The following GRIA2 variants were observed in gnomAD, a reference collection of about 807,000 sequenced individuals.
GRIA2 encodes glutamate receptor 2.
GRIA2 carries 14 observed loss-of-function variants against 97.3 expected under a neutral mutation model. That is an observed-to-expected ratio of 0.14 (90% CI 0.10 to 0.23). The LOEUF is 0.23. Among genes scored for constraint, GRIA2 ranks in the 10% least tolerant of loss-of-function variants. The pLI is 1.00. For synonymous variants in GRIA2, 412 were observed against 387.8 expected, an observed-to-expected ratio of 1.06 and a Z score of -0.73; for missense variants, 558 against 1,069.8, an observed-to-expected ratio of 0.52 and a Z score of 6.67.
At chr4:157,279,276 A>T (rs1025641949) in intron 2 of GRIA2, among the ~76,000 whole-genome samples, 10 of 152,166 alleles carry the variant, frequency 6.6e-5, no homozygotes, top group Non-Finnish European at 1.3e-4. Flanking sequence ...ACTAAAAAGA[A>T]CTATCAAGCC....
intron 2 of GRIA2, among the ~76,000 whole-genome samples, chr4:157,300,171 G>A (rs894754737): frequency 3.9e-5 from 6 of 151,930 alleles, no homozygotes; most frequent in Admixed American, 3.9e-4. Flanking sequence ...CATCATTGGG[G>A]AATAAGGTAA....
intron 2 of GRIA2, among the ~76,000 whole-genome samples, chr4:157,236,244 A>G (rs1179488966): frequency 6.6e-6 from 1 of 152,054 alleles, no homozygotes; most frequent in African/African-American, 2.4e-5. Flanking sequence ...GATGAAAATA[A>G]TCATGCATAT....
Position 157,340,193 on chromosome 4 carries a change from T to C in GRIA2, c.1845-1071T>C, listed in dbSNP as rs565663184. ...ACTGTTAATTGTCAGAAACTTTAGATCACAAATTGCCAATCATGATCTAAA... is the reference window on the plus strand; with the variant it reads ...ACTGTTAATTGTCAGAAACTTTAGACCACAAATTGCCAATCATGATCTAAA... On this transcript the variant is annotated intron_variant, in intron 11 of 15. Coordinates refer to ENST00000264426, the MANE Select transcript of GRIA2 (RefSeq NM_001083619.3). Among the ~76,000 whole-genome samples, 4 of 152,050 alleles carry C rather than the reference T, an allele frequency of 2.6e-5. No individual in the cohort carries two copies. In the East Asian group the frequency reaches 7.8e-4, roughly 30 times the overall value.
chr4:157,350,961 A>G (rs903036244), intron 12 of GRIA2, among the ~76,000 whole-genome samples: 2 of 139,386 alleles, frequency 1.4e-5, no homozygotes, highest in African/African-American at 5.4e-5. Context: ...TCATTGTCCT[A>G]ATCTCATAAC....
chr4:157,318,878 TCA>T (rs2126899449), intron 5 of GRIA2, among the ~76,000 whole-genome samples: 1 of 152,262 alleles, frequency 6.6e-6, no homozygotes, highest in South Asian at 2.1e-4. Flanking sequence ...TCCTAGTGTA[TCA>T]CATTGTTACA....
chr4:157,222,490 C>A (rs1468166729), intron 2 of GRIA2, among the ~76,000 whole-genome samples: 1 of 151,702 alleles, frequency 6.6e-6, no homozygotes. Flanking sequence ...GGCGGGGAGG[C>A]GGTGGAAAGG....
Position 157,363,617 on chromosome 4 carries a change from A to T in GRIA2, c.*186A>T. ...TCTCGTGATTGATAAGAACCTTTTGAGTGCCTTACACAATGGTTTTCTTGT... is the reference window on the plus strand; with the variant it reads ...TCTCGTGATTGATAAGAACCTTTTGTGTGCCTTACACAATGGTTTTCTTGT... On this transcript the variant is annotated 3_prime_UTR_variant, in exon 16 of 16. Coordinates refer to ENST00000264426, the MANE Select transcript of GRIA2 (RefSeq NM_001083619.3). 1 of 1,217,386 alleles carries T rather than the reference A, an allele frequency of 8.2e-7. No individual in the cohort carries two copies. The highest frequency in any genetic ancestry group is 1.0e-6 in the Non-Finnish European group (1 of 972,878). The allele number at this position is 1,217,386 out of a possible 1,614,324, so 75.4% of individuals were successfully genotyped here.
At chr4:157,248,548 T>TGTGTGTATATATATACAC (rs1730839210) in intron 2 of GRIA2, among the ~76,000 whole-genome samples, 1 of 140,542 alleles carries the variant, frequency 7.1e-6, no homozygotes, top group Non-Finnish European at 1.5e-5. Flanking sequence ...TTTATGTGTG[T>TGTGTGTATATATATACAC]GTGTGTATAT....
At chr4:157,329,492 A>ATTAG (rs1734954891) in intron 6 of GRIA2, among the ~76,000 whole-genome samples, 7 of 151,866 alleles carry the variant, frequency 4.6e-5, no homozygotes, top group Admixed American at 4.6e-4. Flanking sequence ...TTGGTCATTA[A>ATTAG]TTTGGGAAAT....
intron 2 of GRIA2, among the ~76,000 whole-genome samples, chr4:157,281,096 A>G (rs375362926): frequency 7.8e-4 from 119 of 152,144 alleles, no homozygotes; most frequent in African/African-American, 2.7e-3. Context: ...TGTGTACAAT[A>G]CCCAATGTAA....
At chr4:157,245,182 C>A (rs1209806460) in intron 2 of GRIA2, among the ~76,000 whole-genome samples, 2 of 151,854 alleles carry the variant, frequency 1.3e-5, no homozygotes, top group East Asian at 1.9e-4. Context: ...GTATACCAGG[C>A]CCTTTAGGAA....
At chr4:157,228,479 T>C (rs897180024) in intron 2 of GRIA2, among the ~76,000 whole-genome samples, 1 of 152,164 alleles carries the variant, frequency 6.6e-6, no homozygotes, top group African/African-American at 2.4e-5. Context: ...TTATAAATGC[T>C]AACTGTTAGG....
intron 2 of GRIA2, among the ~76,000 whole-genome samples, chr4:157,282,564 A>T (rs1320038421): frequency 6.6e-6 from 1 of 152,054 alleles, no homozygotes; most frequent in Non-Finnish European, 1.5e-5. Flanking sequence ...AGGAGTAAGG[A>T]TGAGGCAGAC....
In GRIA2 at chr4:157,220,745, T is replaced by C. The variant is rs1729452662; in HGVS notation, c.-298T>C. 2 of 459,472 alleles carry C rather than the reference T, an allele frequency of 4.4e-6. No individual in the cohort carries two copies. The highest frequency in any genetic ancestry group is 7.9e-6 in the Non-Finnish European group (2 of 251,934). 28.5% of individuals were successfully genotyped at this position (459,472 alleles called of 1,614,324 possible). Reference sequence around the variant, plus strand: ...GAGAGGGTGAGTGTGTGTGAGTGCATGGGAGGGTGCTGAATATTCCGAGAC... The same window carrying C: ...GAGAGGGTGAGTGTGTGTGAGTGCACGGGAGGGTGCTGAATATTCCGAGAC... On this transcript the variant is annotated 5_prime_UTR_variant, in exon 1 of 16. The change abolishes an upstream ATG in the 5' untranslated region. Coordinates refer to ENST00000264426, the MANE Select transcript of GRIA2 (RefSeq NM_001083619.3).
At chr4:157,353,862 G>A (rs749114215) in intron 12 of GRIA2, among the ~76,000 whole-genome samples, 11 of 151,774 alleles carry the variant, frequency 7.2e-5, no homozygotes, top group East Asian at 3.9e-4. Flanking sequence ...TAAATTAATC[G>A]TATAGAAAAA....
chr4:157,226,615 T>C (rs552979735), intron 2 of GRIA2, among the ~76,000 whole-genome samples: 6 of 152,218 alleles, frequency 3.9e-5, no homozygotes, highest in East Asian at 3.9e-4. Flanking sequence ...ATAAAATTAA[T>C]TGATGTTTGC....
At chr4:157,266,966 T>C (rs990074460) in intron 2 of GRIA2, among the ~76,000 whole-genome samples, 2 of 151,904 alleles carry the variant, frequency 1.3e-5, no homozygotes, top group Admixed American at 1.3e-4. Flanking sequence ...TAGGCTCAGC[T>C]ATTTGAGAGA....
chr4:157,254,289 T>C (rs1427855125), intron 2 of GRIA2, among the ~76,000 whole-genome samples: 1 of 152,014 alleles, frequency 6.6e-6, no homozygotes. Context: ...TTTTAAAGTC[T>C]AGGCCTAAAC....
At chr4:157,226,937 G>A (rs1355605273) in intron 2 of GRIA2, among the ~76,000 whole-genome samples, 1 of 152,120 alleles carries the variant, frequency 6.6e-6, no homozygotes, top group African/African-American at 2.4e-5. Flanking sequence ...CTCTTTGTAT[G>A]TCAGAATAAT....
Sources: gnomAD v4.1 joint callset for allele counts (sites outside exome capture counted in the v4.1 genomes callset) on GRCh38, gnomAD v4.1.1 for gene constraint, MANE v1.5 for transcripts, NCBI Gene and HGNC (gene_info 2026-07-23, HGNC 2026-07-21) for gene names.